RPGRIP1: variants seen among roughly 807,000 people sequenced by gnomAD.
RPGRIP1 encodes RPGR interacting protein 1, also known as X-linked retinitis pigmentosa GTPase regulator-interacting protein 1.
A neutral mutation model predicts 157.9 loss-of-function variants in RPGRIP1; 128 were observed. That is an observed-to-expected ratio of 0.81 (90% CI 0.70 to 0.94). The LOEUF (loss-of-function observed/expected upper bound fraction) is 0.94. Among genes scored for constraint, RPGRIP1 ranks in the 40% least tolerant of loss-of-function variants. The probability of loss-of-function intolerance (pLI) is 0.00; values close to 1 mark genes in which losing one functional copy is unlikely to be tolerated. For missense variants in RPGRIP1, 1,486 were observed against 1,545.8 expected, an observed-to-expected ratio of 0.96 and a Z score of 0.65; for synonymous variants, 554 against 571.6, an observed-to-expected ratio of 0.97 and a Z score of 0.44.
chr14:21,281,393 A>G (rs1448735075), intron 1 of RPGRIP1, among the ~76,000 whole-genome samples: 2 of 151,700 alleles, frequency 1.3e-5, no homozygotes, highest in Non-Finnish European at 2.9e-5. Flanking sequence ...AGAACACTTA[A>G]AAATCTACTC....
At chr14:21,338,868 G>T (rs1176522539) in intron 21 of RPGRIP1, among the ~76,000 whole-genome samples, 1 of 152,234 alleles carries the variant, frequency 6.6e-6, no homozygotes, top group African/African-American at 2.4e-5. Flanking sequence ...GCTGGGTGTG[G>T]TGGCTCACGC....
intron 6 of RPGRIP1, among the ~76,000 whole-genome samples, chr14:21,304,435 G>GAA (rs1566673330): frequency 6.9e-6 from 1 of 144,836 alleles, no homozygotes; most frequent in Non-Finnish European, 1.5e-5. Context: ...AAGAAAGAAA[G>GAA]AAAGAAAGAA....
chr14:21,312,551 CATT>C, intron 10 of RPGRIP1, 45 bp downstream of exon 10: 1 of 1,300,450 alleles, frequency 7.7e-7, no homozygotes, highest in Non-Finnish European at 1.1e-6. Flanking sequence ...CTATGAAAGA[CATT>C]ATAGAAAGTT....
chr14:21,323,243 G>A (rs1266660772), intron 14 of RPGRIP1, among the ~76,000 whole-genome samples: 1 of 152,080 alleles, frequency 6.6e-6, no homozygotes, highest in East Asian at 1.9e-4. Flanking sequence ...CCAACATGGT[G>A]AAACCCCATC....
intron 1 of RPGRIP1, among the ~76,000 whole-genome samples, chr14:21,282,352 T>G (rs1393933638): frequency 6.6e-6 from 1 of 151,842 alleles, no homozygotes; most frequent in Non-Finnish European, 1.5e-5. Context: ...TTCCCCTGCC[T>G]CAGCCTCCTG....
At chr14:21,330,450 C>A in intron 20 of RPGRIP1, 63 bp downstream of exon 20, 6 of 1,186,252 alleles carry the variant, frequency 5.1e-6, no homozygotes, top group South Asian at 2.5e-5. Flanking sequence ...GGGCAGATCA[C>A]GAGATCAGGC....
At chr14:21,341,309 G>T (rs141027455) in intron 21 of RPGRIP1, among the ~76,000 whole-genome samples, 1 of 152,156 alleles carries the variant, frequency 6.6e-6, no homozygotes, top group Non-Finnish European at 1.5e-5. Context: ...GGTATTACAG[G>T]TGTGAGCCTC....
chr14:21,335,443 C>T (rs7144548), intron 21 of RPGRIP1, among the ~76,000 whole-genome samples: 1 of 152,154 alleles, frequency 6.6e-6, no homozygotes, highest in African/African-American at 2.4e-5. Flanking sequence ...TCCATTTCTG[C>T]TGTTTTTTAC....
chr14:21,342,931 C>T (rs1359522834), intron 21 of RPGRIP1, 105 bp from the exon 22 acceptor site: 4 of 771,510 alleles, frequency 5.2e-6, no homozygotes, highest in Non-Finnish European at 8.5e-6. Flanking sequence ...TAGATTATAC[C>T]TATGGTTGAT....
intron 2 of RPGRIP1, among the ~76,000 whole-genome samples, chr14:21,293,470 T>C (rs936521854): frequency 1.1e-4 from 16 of 152,002 alleles, no homozygotes; most frequent in African/African-American, 3.6e-4. Context: ...AGGCTGGGCA[T>C]GGTGGCTCAT....
intron 4 of RPGRIP1, 121 bp downstream of exon 4, chr14:21,301,358 C>G: frequency 9.4e-7 from 1 of 1,059,214 alleles, no homozygotes; most frequent in Non-Finnish European, 1.4e-6. Flanking sequence ...TGTTCTCACT[C>G]CCTCCTTTCT....
rs569447094 is a variant in RPGRIP1, at chr14:21,295,503, G to A, written c.218+694G>A. 9.0e-5 allele frequency among the ~76,000 whole-genome samples: 9 copies of A among 99,996 alleles called. No homozygotes were observed. In the East Asian group the frequency reaches 2.9e-3, roughly 32 times the overall value. 65.6% of individuals were successfully genotyped at this position (99,996 alleles called of 152,430 possible). A position where few individuals can be genotyped will look rare whatever the true frequency, so the allele number is the denominator to read the frequency against. On this transcript the variant is annotated intron_variant, in intron 3 of 24. Transcript: ENST00000400017. The stretch of plus-strand genomic sequence containing the variant: ...ATTTTTTTTTTTTTTTTTTTTTTGA[G>A]ATGGAGTTTTGCTCTTGTTGCCCAG...
At chr14:21,346,248 T>A (rs1381228163) in intron 23 of RPGRIP1, among the ~76,000 whole-genome samples, 1 of 95,078 alleles carries the variant, frequency 1.1e-5, no homozygotes, top group Non-Finnish European at 2.0e-5. Context: ...ATGTGGGACA[T>A]ACCCAAAAAA....
intron 21 of RPGRIP1, among the ~76,000 whole-genome samples, chr14:21,336,076 G>C (rs142485005): frequency 1.3e-5 from 2 of 152,174 alleles, no homozygotes; most frequent in Admixed American, 6.5e-5. Flanking sequence ...TATAAAGTCT[G>C]TTGTAAGAAA....
intron 20 of RPGRIP1, among the ~76,000 whole-genome samples, chr14:21,334,174 G>A (rs756070377): frequency 6.6e-6 from 1 of 151,892 alleles, no homozygotes; most frequent in Non-Finnish European, 1.5e-5. Context: ...CACCTGCCTC[G>A]AACTCCAAAA....
At position 21,350,995 on chromosome 14, in the gene RPGRIP1, T is replaced by A. The variant is rs190631970; in HGVS notation, c.3749-109T>A. Reference sequence around the variant, plus strand: ...TCTCCTTCACTAGATTGAGTCCTCTTATGAAATGGGTAATTTCATTCATTT... The same window carrying A: ...TCTCCTTCACTAGATTGAGTCCTCTAATGAAATGGGTAATTTCATTCATTT... On this transcript the variant is annotated intron_variant, in intron 24 of 24. Coordinates refer to ENST00000400017, the MANE Select transcript of RPGRIP1 (RefSeq NM_020366.4). The A allele has an allele frequency of 1.0e-4, 65 of 621,012 alleles. 1 individual carries two copies. In the Admixed American group the frequency reaches 1.7e-3, roughly 16 times the overall value. The allele number at this position is 621,012 out of a possible 1,614,324, so 38.5% of individuals were successfully genotyped here.
intron 2 of RPGRIP1, among the ~76,000 whole-genome samples, chr14:21,288,781 T>G (rs926943336): frequency 3.3e-5 from 5 of 151,688 alleles, no homozygotes; most frequent in African/African-American, 1.2e-4. Context: ...CCCAACGTGC[T>G]GGATTACAGG....
chr14:21,337,837 C>T (rs956779365), intron 21 of RPGRIP1, among the ~76,000 whole-genome samples: 36 of 150,640 alleles, frequency 2.4e-4, no homozygotes, highest in African/African-American at 8.3e-4. Context: ...CTAACTGCAA[C>T]CTCCGCCTCC....
In RPGRIP1 at chr14:21,310,223, CTGT is replaced by C. The variant is rs1292803429; in HGVS notation, c.907-356_907-354del. On this transcript the variant is annotated intron_variant, in intron 7 of 24. Transcript: ENST00000400017. ...ATAGCAACTACTCAACTAATTATAG[CTGT>C]TGTTATGATCATTCTTTTTTTTTTA... is the stretch of plus-strand genomic sequence containing the variant. Among the ~76,000 whole-genome samples, 4 of 149,004 alleles carry C rather than the reference CTGT, an allele frequency of 2.7e-5. 1 individual carries two copies. Among genetic ancestry groups the C allele is most frequent in the Non-Finnish European group, 6.0e-5 (4 of 67,074 alleles).
Sources: allele counts gnomAD v4.1 joint callset (sites outside exome capture counted in the v4.1 genomes callset), GRCh38; gene constraint gnomAD v4.1.1; transcripts MANE v1.5; gene names NCBI Gene and HGNC (gene_info 2026-07-23, HGNC 2026-07-21).